Variants in KPNA7 observed in about 807,000 individuals in gnomAD.
KPNA7 encodes importin subunit alpha-8.
In KPNA7, 54 loss-of-function variants were observed where a neutral mutation model predicts 53.7. That is an observed-to-expected ratio of 1.01 (90% CI 0.81 to 1.26). The LOEUF (loss-of-function observed/expected upper bound fraction) is 1.26. KPNA7 is among the 50% of genes most tolerant of loss of function. The pLI is 0.00. For missense variants in KPNA7, 640 were observed against 644.5 expected (o/e 0.99, Z 0.07); for synonymous variants, 276 against 259.3 (o/e 1.06, Z -0.62).
chr7:99,178,702 T>C (rs1799018548), intron 9 of KPNA7, among the ~76,000 whole-genome samples: 1 of 143,354 alleles, frequency 7.0e-6, no homozygotes, highest in Admixed American at 7.5e-5. Flanking sequence ...GCAATCTTCC[T>C]GCCTTGGCCT....
the KPNA7 span, among the ~76,000 whole-genome samples, chr7:99,160,191 A>T: frequency 2.0e-5 from 3 of 150,956 alleles, no homozygotes; most frequent in Non-Finnish European, 4.4e-5. Flanking sequence ...TGCTAGGCTA[A>T]TTTTTTTTGT....
intron 1 of KPNA7, among the ~76,000 whole-genome samples, chr7:99,215,941 C>T (rs370010011): frequency 4.6e-4 from 70 of 151,180 alleles, no homozygotes; most frequent in Middle Eastern, 6.8e-3. Context: ...TGCACCACTA[C>T]GCTCCAGCCT....
At chr7:99,210,376 T>C (rs1020007696), upstream of KPNA7, among the ~76,000 whole-genome samples, 1 of 152,138 alleles carries the variant, frequency 6.6e-6, no homozygotes, top group African/African-American at 2.4e-5. Context: ...TTTGTCCAAC[T>C]TCCTCTCCTC....
intron 5 of KPNA7, among the ~76,000 whole-genome samples, chr7:99,193,348 G>C (rs573824606): frequency 6.6e-6 from 1 of 152,326 alleles, no homozygotes; most frequent in East Asian, 1.9e-4. Context: ...ACTCAGCCAA[G>C]GTGGGCTGTT....
chr7:99,179,981 C>G (rs1473694615), intron 9 of KPNA7, among the ~76,000 whole-genome samples: 1 of 152,168 alleles, frequency 6.6e-6, no homozygotes, highest in Non-Finnish European at 1.5e-5. Context: ...TGTAGTTCCC[C>G]ACCCACATTG....
intron 8 of KPNA7, among the ~76,000 whole-genome samples, chr7:99,183,440 T>C (rs1366747643): frequency 6.6e-6 from 1 of 152,204 alleles, no homozygotes; most frequent in Non-Finnish European, 1.5e-5. Context: ...AAGCAAGTTA[T>C]AGTTCAAAAG....
chr7:99,182,941 G>A (rs1789350147), intron 8 of KPNA7, among the ~76,000 whole-genome samples: 2 of 152,022 alleles, frequency 1.3e-5, no homozygotes, highest in Non-Finnish European at 2.9e-5. Flanking sequence ...CCAGCCCAGA[G>A]GTGACAGAGA....
the KPNA7 span, among the ~76,000 whole-genome samples, chr7:99,163,954 G>C: frequency 1.3e-5 from 2 of 152,012 alleles, no homozygotes; most frequent in Non-Finnish European, 2.9e-5. Context: ...TCTCACACCA[G>C]TTAGAATGGT....
chr7:99,193,311 A>G (rs1291023728), intron 5 of KPNA7, among the ~76,000 whole-genome samples: 20 of 152,238 alleles, frequency 1.3e-4, no homozygotes, highest in Non-Finnish European at 2.5e-4. Context: ...ATCACACAGC[A>G]GCAACTGCTA....
At chr7:99,181,780 T>C in intron 9 of KPNA7, 103 bp downstream of exon 9, 2 of 1,037,844 alleles carry the variant, frequency 1.9e-6, no homozygotes, top group East Asian at 2.9e-5. Context: ...GATCCACCTG[T>C]CTCAGCCTCC....
chr7:99,212,027 G>A (rs140186105), upstream of KPNA7, among the ~76,000 whole-genome samples: 1 of 152,074 alleles, frequency 6.6e-6, no homozygotes, highest in Non-Finnish European at 1.5e-5. Context: ...TCCTTTGGTT[G>A]CTGCCCAGGG....
chr7:99,195,586 C>T (rs1359118143), intron 4 of KPNA7, among the ~76,000 whole-genome samples: 1 of 152,110 alleles, frequency 6.6e-6, no homozygotes, highest in Admixed American at 6.6e-5. Flanking sequence ...CCTGTAATCT[C>T]AGCTTCTCTG....
At chr7:99,153,485 G>A in the KPNA7 span, among the ~76,000 whole-genome samples, 1 of 151,832 alleles carries the variant, frequency 6.6e-6, no homozygotes, top group African/African-American at 2.4e-5. Flanking sequence ...AGGAGGCAGA[G>A]GTTGCAGTGA....
At chr7:99,147,759 C>A in the KPNA7 span, among the ~76,000 whole-genome samples, 1 of 151,914 alleles carries the variant, frequency 6.6e-6, no homozygotes, top group South Asian at 2.1e-4. Context: ...CTGCTGCCCT[C>A]CAGCCTGGGC....
At chr7:99,211,064 G>C (rs758024128), upstream of KPNA7, among the ~76,000 whole-genome samples, 26 of 152,152 alleles carry the variant, frequency 1.7e-4, no homozygotes, top group Non-Finnish European at 3.4e-4. Context: ...TGGTAGAAAA[G>C]ACTAATTCAG....
the KPNA7 span, among the ~76,000 whole-genome samples, chr7:99,164,010 A>G: frequency 1.3e-5 from 2 of 151,840 alleles, no homozygotes; most frequent in Non-Finnish European, 2.9e-5. Flanking sequence ...GAGGATGTGG[A>G]GAAATAGGAA....
chr7:99,152,519 C>T, the KPNA7 span, among the ~76,000 whole-genome samples: 10 of 152,080 alleles, frequency 6.6e-5, no homozygotes, highest in East Asian at 5.8e-4. Flanking sequence ...GGATGATATG[C>T]GGAAAGTAAC....
At chr7:99,155,482 T>A in the KPNA7 span, among the ~76,000 whole-genome samples, 7 of 152,238 alleles carry the variant, frequency 4.6e-5, no homozygotes, top group African/African-American at 1.7e-4. Context: ...TGTTTGGACC[T>A]GGAGTTTTCT....
At chr7:99,198,588 A>T (rs939701027) in intron 3 of KPNA7, among the ~76,000 whole-genome samples, 7 of 151,148 alleles carry the variant, frequency 4.6e-5, no homozygotes, top group East Asian at 1.9e-4. Context: ...CTTCCATAAT[A>T]AAAAAAAACA....
Sources: allele counts gnomAD v4.1 joint callset (sites outside exome capture counted in the v4.1 genomes callset), GRCh38; gene constraint gnomAD v4.1.1; transcripts MANE v1.5; gene names NCBI Gene and HGNC (gene_info 2026-07-23, HGNC 2026-07-21).